HPSE2: variants seen among roughly 807,000 people sequenced by gnomAD.
HPSE2 encodes the protein inactive heparanase-2.
A neutral mutation model predicts 60.5 loss-of-function variants in HPSE2; 38 were observed. The observed-to-expected ratio is 0.63, with a 90% CI of 0.48 to 0.82. The LOEUF (loss-of-function observed/expected upper bound fraction) is 0.82, where lower values mean the gene tolerates loss of function less well. Among genes scored for constraint, HPSE2 ranks in the 40% least tolerant of loss-of-function variants. The pLI, the probability that HPSE2 is intolerant of heterozygous loss-of-function variation, is 0.00. For missense variants in HPSE2, 713 were observed against 740.4 expected (o/e 0.96, Z 0.43); for synonymous variants, 295 against 293.2 (o/e 1.01, Z -0.06).
chr10:98,633,725 G>T (rs1946424738), intron 7 of HPSE2, among the ~76,000 whole-genome samples: 1 of 152,082 alleles, frequency 6.6e-6, no homozygotes, highest in African/African-American at 2.4e-5. Context: ...ATGAATTTTC[G>T]ACTATGCAAG....
intron 9 of HPSE2, among the ~76,000 whole-genome samples, chr10:98,607,704 T>G (rs1945633392): frequency 6.6e-6 from 1 of 152,246 alleles, no homozygotes; most frequent in African/African-American, 2.4e-5. Context: ...TATAAAAAGT[T>G]AAATTACTTT....
chr10:98,925,657 G>C (rs1954434791), intron 3 of HPSE2, among the ~76,000 whole-genome samples: 1 of 152,150 alleles, frequency 6.6e-6, no homozygotes, highest in Non-Finnish European at 1.5e-5. Context: ...TTTCATGAGG[G>C]TAAGTCCAGG....
chr10:99,270,413 T>C, the HPSE2 span, among the ~76,000 whole-genome samples: 1 of 151,980 alleles, frequency 6.6e-6, no homozygotes, highest in African/African-American at 2.4e-5. Context: ...TTCCTGGAAA[T>C]ATGCAATCCT....
chr10:98,902,008 A>G (rs920111462), intron 3 of HPSE2, among the ~76,000 whole-genome samples: 1 of 152,154 alleles, frequency 6.6e-6, no homozygotes, highest in African/African-American at 2.4e-5. Flanking sequence ...AGTGCTCAAC[A>G]TCTAGGTTTC....
intron 3 of HPSE2, among the ~76,000 whole-genome samples, chr10:98,841,968 A>G (rs907039124): frequency 6.6e-6 from 1 of 151,962 alleles, no homozygotes; most frequent in Non-Finnish European, 1.5e-5. Context: ...CACCACGCCC[A>G]GCTAAGTTTT....
chr10:99,070,664 C>T (rs1357803009), intron 3 of HPSE2, among the ~76,000 whole-genome samples: 2 of 152,164 alleles, frequency 1.3e-5, no homozygotes, highest in South Asian at 2.1e-4. Flanking sequence ...CCATTTACCA[C>T]CCCAGGCCCC....
chr10:98,926,699 A>C (rs1954474673), intron 3 of HPSE2, among the ~76,000 whole-genome samples: 2 of 152,200 alleles, frequency 1.3e-5, no homozygotes, highest in Non-Finnish European at 2.9e-5. Context: ...CCAAGCCCAC[A>C]AGGTAAAAAA....
intron 3 of HPSE2, among the ~76,000 whole-genome samples, chr10:99,080,417 ATTTCCTTC>A (rs1010053951): frequency 2.0e-5 from 3 of 152,238 alleles, no homozygotes; most frequent in Admixed American, 6.5e-5. Context: ...ACCATGGTAC[ATTTCCTTC>A]TTAAAGCCAT....
At chr10:98,774,336 C>G (rs918411542) in intron 3 of HPSE2, among the ~76,000 whole-genome samples, 1 of 152,024 alleles carries the variant, frequency 6.6e-6, no homozygotes, top group Non-Finnish European at 1.5e-5. Context: ...AAGCAGAAAA[C>G]AGAAGCTAGA....
At chr10:99,089,673 A>G (rs569905805) in intron 3 of HPSE2, among the ~76,000 whole-genome samples, 1 of 152,218 alleles carries the variant, frequency 6.6e-6, no homozygotes, top group South Asian at 2.1e-4. Flanking sequence ...TTTTGGCTCC[A>G]TATGAATTAT....
At chr10:99,230,405 T>C (rs1008821808) in intron 2 of HPSE2, among the ~76,000 whole-genome samples, 15 of 152,150 alleles carry the variant, frequency 9.9e-5, no homozygotes, top group Non-Finnish European at 2.1e-4. Flanking sequence ...GGTGAAAAAC[T>C]ACATTCCTAG....
At chr10:98,551,151 G>A (rs1337066911) in intron 9 of HPSE2, among the ~76,000 whole-genome samples, 1 of 152,162 alleles carries the variant, frequency 6.6e-6, no homozygotes, top group Non-Finnish European at 1.5e-5. Flanking sequence ...TTCACCGCAG[G>A]CTGTGAGCGT....
chr10:98,863,732 C>T (rs1183325675), intron 3 of HPSE2, among the ~76,000 whole-genome samples: 2 of 152,088 alleles, frequency 1.3e-5, no homozygotes, highest in Non-Finnish European at 2.9e-5. Flanking sequence ...TGTTTACAAA[C>T]CTTATATGAA....
chr10:98,764,519 G>A (rs1054413826), intron 3 of HPSE2, among the ~76,000 whole-genome samples: 2 of 152,120 alleles, frequency 1.3e-5, no homozygotes, highest in African/African-American at 4.8e-5. Context: ...TATACACTAT[G>A]ACAAGAAACC....
chr10:99,300,580 T>A, the HPSE2 span, among the ~76,000 whole-genome samples: 6 of 152,306 alleles, frequency 3.9e-5, no homozygotes, highest in Admixed American at 3.9e-4. Context: ...GTTCTATCCC[T>A]CTCATGGGGA....
intron 3 of HPSE2, among the ~76,000 whole-genome samples, chr10:98,822,346 T>C (rs1383719055): frequency 2.6e-5 from 4 of 152,178 alleles, no homozygotes; most frequent in Non-Finnish European, 5.9e-5. Context: ...TGTAAGATAT[T>C]TCCTTTAACC....
At chr10:99,255,126 G>C in the HPSE2 span, among the ~76,000 whole-genome samples, 3 of 152,114 alleles carry the variant, frequency 2.0e-5, no homozygotes, top group East Asian at 5.8e-4. Flanking sequence ...TTTCAGCCTA[G>C]TTGAACACAT....
At chr10:98,734,887 T>TTACACA (rs1236685601) in intron 4 of HPSE2, among the ~76,000 whole-genome samples, 1 of 44,350 alleles carries the variant, frequency 2.3e-5, no homozygotes, top group Non-Finnish European at 7.3e-5. Flanking sequence ...AATTTGTCCC[T>TTACACA]TACACACACA....
rs1231291811 is a variant in HPSE2 at position 98,642,154 on chromosome 10, TA to T, written c.1005-215del. 4.6e-5 allele frequency among the ~76,000 whole-genome samples: 7 copies of T among 152,322 alleles called. No homozygotes were observed. In the South Asian group the frequency reaches 6.2e-4, roughly 14 times the overall value. ...ACCACTATTTGTGGGCTAATACTGTTATTTTTTTCAGCTTTTGTCACGTGAA... is the reference window on the plus strand; with the variant it reads ...ACCACTATTTGTGGGCTAATACTGTTTTTTTTTCAGCTTTTGTCACGTGAA... On this transcript the variant is annotated intron_variant, in intron 6 of 11. Transcript: ENST00000370552.
Sources: gnomAD v4.1 joint callset for allele counts (sites outside exome capture counted in the v4.1 genomes callset) on GRCh38, gnomAD v4.1.1 for gene constraint, MANE v1.5 for transcripts, NCBI Gene and HGNC (gene_info 2026-07-23, HGNC 2026-07-21) for gene names.